BRF1: variants seen among roughly 807,000 people sequenced by gnomAD.
BRF1 encodes the protein transcription factor IIIB 90 kDa subunit.
A neutral mutation model predicts 81.7 loss-of-function variants in BRF1; 59 were observed. The ratio of observed to expected loss-of-function variants is 0.72; its 90% CI spans 0.59 to 0.90. The LOEUF is 0.90. Among genes scored for constraint, BRF1 ranks in the 40% least tolerant of loss-of-function variants. The pLI, the probability that BRF1 is intolerant of heterozygous loss-of-function variation, is 0.00. For missense variants in BRF1, 1,050 were observed against 936.3 expected, an observed-to-expected ratio of 1.12 and a Z score of -1.58; for synonymous variants, 491 against 395.6, an observed-to-expected ratio of 1.24 and a Z score of -2.86.
intron 15 of BRF1, among the ~76,000 whole-genome samples, chr14:105,214,535 C>A (rs1042651838): frequency 9.6e-6 from 1 of 104,232 alleles, no homozygotes; most frequent in Non-Finnish European, 2.0e-5. Flanking sequence ...CGTGGCTCAG[C>A]TGCCCACACC....
At chr14:105,259,009 C>T (rs952663049) in intron 3 of BRF1, among the ~76,000 whole-genome samples, 1 of 152,146 alleles carries the variant, frequency 6.6e-6, no homozygotes, top group Non-Finnish European at 1.5e-5. Context: ...GGATGTGGGG[C>T]AAGCACAGCT....
intron 3 of BRF1, among the ~76,000 whole-genome samples, chr14:105,258,316 G>A (rs899453016): frequency 2.0e-5 from 3 of 151,812 alleles, no homozygotes; most frequent in East Asian, 1.9e-4. Context: ...GTGAAACCCC[G>A]TCTCTACTAA....
At position 105,228,861 on chromosome 14, in the gene BRF1, G is replaced by A; in HGVS notation, c.747C>T (p.Val249=). The part of the protein sequence containing the change: ...MHDFRRTVKE[V]ISVVKVCEST... Reference sequence around the variant, plus strand: ...ACTCACACACTTTGACCACACTGATGACCTCCTTCACAGTCCTCCTGAAGT... The same window carrying A: ...ACTCACACACTTTGACCACACTGATAACCTCCTTCACAGTCCTCCTGAAGT... Residue 249 remains valine, a synonymous_variant, in exon 7 of 18, where the codon GTC becomes GTT. Transcript: ENST00000547530. 2.5e-6 allele frequency: 4 copies of A among 1,613,882 alleles called. No individual in the cohort carries two copies. The highest frequency in any genetic ancestry group is 2.5e-6 in the Non-Finnish European group (3 of 1,180,008).
chr14:105,257,682 G>A lies in BRF1; in HGVS notation c.440-1133C>T, dbSNP rs373432851. On this transcript the variant is annotated intron_variant, in intron 3 of 17. Transcript: ENST00000547530. ...CAAGAGGCACTATGAGAAGACCGGC[G>A]GCAGGGGTGGGGCCAGTGACATCAA... Among the ~76,000 whole-genome samples, 7 of 152,298 alleles carry A rather than the reference G, an allele frequency of 4.6e-5. No homozygotes were observed. The South Asian group carries it at 1.2e-3, about 27-fold the overall frequency.
rs1199922261 is a variant in BRF1 at position 105,309,047 on chromosome 14, A to G, written c.-162+6275T>C. Among the ~76,000 whole-genome samples the G allele has an allele frequency of 6.6e-6, 1 of 152,186 alleles. No individual in the cohort carries two copies. The highest frequency in any genetic ancestry group is 1.5e-5 in the Non-Finnish European group (1 of 68,018). On this transcript the variant is annotated intron_variant, in intron 1 of 17. Transcript: ENST00000327359. This position sits in a 1 kb window ranked among gnomAD's most constrained non-coding sequence, Gnocchi z 4.0. ...CAGAAATCCATCCTGCACGAAGAGC[A>G]CTGAGGTTGAGTGTTGGTTGACACG...
Position 105,219,034 on chromosome 14 carries a change from C to G in BRF1, c.1479G>C (p.Ala493=), listed in dbSNP as rs780339624. 2 of 1,613,760 alleles carry G rather than the reference C, an allele frequency of 1.2e-6. No individual in the cohort carries two copies. Among genetic ancestry groups the G allele is most frequent in the Middle Eastern group, 1.6e-4 (1 of 6,074 alleles). ...REQREKEARI[A]KEKELGIYKE... Reference sequence around the variant, plus strand: ...TGTAGATGCCGAGCTCCTTCTCTTTCGCTATTCTTGCTTCTTTTTCTAAAA... The same window carrying G: ...TGTAGATGCCGAGCTCCTTCTCTTTGGCTATTCTTGCTTCTTTTTCTAAAA... Residue 493 remains alanine (A), a synonymous_variant, in exon 14 of 18, where the codon GCG becomes GCC. Transcript: ENST00000547530.
intron 2 of BRF1, among the ~76,000 whole-genome samples, chr14:105,280,935 C>T (rs796510666): frequency 0.13 from 5,548 of 42,250 alleles, 4 homozygotes; most frequent in South Asian, 0.14. Flanking sequence ...GGTGTGTGGA[C>T]AGAGCCTGCG....
chr14:105,292,984 G>A (rs910708055), intron 1 of BRF1, among the ~76,000 whole-genome samples: 5 of 152,208 alleles, frequency 3.3e-5, no homozygotes, highest in African/African-American at 1.2e-4. Flanking sequence ...GTGTCACGCT[G>A]CAGGCTAACC....
At chr14:105,270,691 T>A (rs1027829622) in intron 3 of BRF1, among the ~76,000 whole-genome samples, 1 of 151,438 alleles carries the variant, frequency 6.6e-6, no homozygotes, top group South Asian at 2.1e-4. Flanking sequence ...CTCGAGAGGC[T>A]AAGGCACAAG....
At chr14:105,229,059 G>T in intron 6 of BRF1, 146 bp from the exon 7 acceptor site, 1 of 738,222 alleles carries the variant, frequency 1.4e-6, no homozygotes, top group Non-Finnish European at 2.4e-6. Context: ...ACCCTCACTT[G>T]GCATGGCTAC....
chr14:105,244,086 A>G (rs1301736529), intron 5 of BRF1, among the ~76,000 whole-genome samples: 1 of 152,078 alleles, frequency 6.6e-6, no homozygotes, highest in Admixed American at 6.6e-5. Context: ...AGGTGGGAGG[A>G]TTGCTTGAGC....
intron 1 of BRF1, among the ~76,000 whole-genome samples, chr14:105,306,566 G>T (rs1444224913): frequency 6.6e-6 from 1 of 151,906 alleles, no homozygotes; most frequent in Non-Finnish European, 1.5e-5. Context: ...ACCTCCCAAA[G>T]TGCTGGGATT....
At position 105,247,364 on chromosome 14, in the gene BRF1, C is replaced by A. The variant is rs587711433; in HGVS notation, c.544+5143G>T. The A allele has an allele frequency of 1.6e-5, 16 of 985,488 alleles. No individual in the cohort carries two copies. In the East Asian group the frequency reaches 4.5e-4, roughly 28 times the overall value. The allele number at this position is 985,488 out of a possible 1,614,324, so 61.0% of individuals were successfully genotyped here. ...AGTCTCAAGTTCAGCCGCCTGGGGG[C>A]TCGGGCACCCCATTCCTGGGAGAAA... On this transcript the variant is annotated intron_variant, in intron 5 of 17. Coordinates refer to ENST00000547530, the MANE Select transcript of BRF1 (RefSeq NM_001519.4).
At chr14:105,259,994 G>A (rs1310749364) in intron 3 of BRF1, among the ~76,000 whole-genome samples, 3 of 152,214 alleles carry the variant, frequency 2.0e-5, no homozygotes, top group African/African-American at 7.2e-5. Context: ...CAACTGGTCT[G>A]TAGTGGAAGG....
At chr14:105,217,500 C>T (rs1443178961) in intron 15 of BRF1, 44 bp downstream of exon 15, 2 of 1,593,130 alleles carry the variant, frequency 1.3e-6, no homozygotes, top group Non-Finnish European at 1.7e-6. Context: ...CTCTGCCCGC[C>T]CTGGGCTGCT....
chr14:105,228,747 T>C, intron 7 of BRF1, 73 bp downstream of exon 7: 2 of 1,559,224 alleles, frequency 1.3e-6, no homozygotes, highest in South Asian at 1.1e-5. Flanking sequence ...TGGCGCCTGC[T>C]CTGGCAAGCA....
At chr14:105,211,620 C>A (rs1000195759) in intron 16 of BRF1, 3 of 381,114 alleles carry the variant, frequency 7.9e-6, no homozygotes, top group Non-Finnish European at 1.4e-5. Flanking sequence ...GTGGCCTCAG[C>A]CCCCGGGGGC....
At chr14:105,278,515 A>G (rs1427563338) in intron 2 of BRF1, among the ~76,000 whole-genome samples, 1 of 152,180 alleles carries the variant, frequency 6.6e-6, no homozygotes, top group Admixed American at 6.5e-5. Flanking sequence ...AGGAAAACAC[A>G]AGAGTATCTT....
chr14:105,217,839 G>A lies in BRF1; in HGVS notation c.1516-39C>T, dbSNP rs766026215. ...AGCAAGAATGCCTCCCGTGAGTCAC[G>A]CCCACTGCACTCCACCATCAGGGGC... On this transcript the variant is annotated intron_variant, in intron 14 of 17. Coordinates refer to ENST00000547530, the MANE Select transcript of BRF1 (RefSeq NM_001519.4). 20 of 1,598,780 alleles carry A rather than the reference G, an allele frequency of 1.3e-5. No homozygotes were observed. In the Admixed American group the frequency reaches 1.3e-4, roughly 11 times the overall value.
Sources: allele counts gnomAD v4.1 joint callset (sites outside exome capture counted in the v4.1 genomes callset), GRCh38; gene constraint gnomAD v4.1.1; non-coding constraint Gnocchi (gnomAD v3.1); transcripts MANE v1.5; gene names NCBI Gene and HGNC (gene_info 2026-07-23, HGNC 2026-07-21).